Variants in GLIS1 observed in about 807,000 individuals in gnomAD.
GLIS1 encodes the protein GLIS family zinc finger 1.
A neutral mutation model predicts 63.8 loss-of-function variants in GLIS1; 24 were observed. The ratio of observed to expected loss-of-function variants is 0.38; its 90% CI spans 0.27 to 0.53. The LOEUF (loss-of-function observed/expected upper bound fraction) is 0.53. Among genes scored for constraint, GLIS1 ranks in the 20% least tolerant of loss-of-function variants. The probability of loss-of-function intolerance (pLI) is 0.85; values close to 1 mark genes in which losing one functional copy is unlikely to be tolerated. For synonymous variants in GLIS1, 450 were observed against 482.5 expected (o/e 0.93, Z 0.88); for missense variants, 1,036 against 1,074.1 (o/e 0.96, Z 0.50).
intron 5 of GLIS1, among the ~76,000 whole-genome samples, chr1:53,525,325 G>A (rs1644454888): frequency 6.6e-6 from 1 of 150,704 alleles, no homozygotes; most frequent in South Asian, 2.1e-4. Context: ...ACAGGGCCAG[G>A]CTAGGCGGCA....
intron 2 of GLIS1, among the ~76,000 whole-genome samples, chr1:53,630,937 T>C (rs1174766811): frequency 6.6e-6 from 1 of 152,268 alleles, no homozygotes; most frequent in Non-Finnish European, 1.5e-5. Flanking sequence ...GAAAATACTT[T>C]TTGGCTATCT....
intron 6 of GLIS1, among the ~76,000 whole-genome samples, chr1:53,523,906 T>A (rs943859332): frequency 2.0e-5 from 3 of 152,190 alleles, no homozygotes; most frequent in Non-Finnish European, 4.4e-5. Flanking sequence ...ACTGCGCTGC[T>A]TGGCCGCTGA....
rs1644696720 is a variant in GLIS1 at position 53,546,182 on chromosome 1, G to A, written c.1321-16230C>T. On this transcript the variant is annotated intron_variant, in intron 4 of 10. Transcript: ENST00000628545. ...TGTTTCACACATGATGGCCAGGGAC[G>A]CCTGAGGAGGCAGGGGGCTGGTGTA... 3.9e-5 allele frequency among the ~76,000 whole-genome samples: 6 copies of A among 152,236 alleles called. No individual in the cohort carries two copies. In the South Asian group the frequency reaches 8.3e-4, roughly 21 times the overall value.
At chr1:53,711,160 G>A (rs1314743631) in intron 2 of GLIS1, among the ~76,000 whole-genome samples, 2 of 152,060 alleles carry the variant, frequency 1.3e-5, no homozygotes, top group South Asian at 2.1e-4. Context: ...ACCGACCTTC[G>A]GACCCTCTAC....
At chr1:53,680,808 T>C (rs559514663) in intron 2 of GLIS1, among the ~76,000 whole-genome samples, 1 of 152,300 alleles carries the variant, frequency 6.6e-6, no homozygotes, top group South Asian at 2.1e-4. Flanking sequence ...GCAGCAGGAA[T>C]AAAATATCAG....
At chr1:53,663,065 C>T (rs1380944370) in intron 2 of GLIS1, among the ~76,000 whole-genome samples, 4 of 152,160 alleles carry the variant, frequency 2.6e-5, no homozygotes, top group Non-Finnish European at 5.9e-5. Context: ...GCAGCTCTCC[C>T]ACTGAGCTCC....
intron 4 of GLIS1, among the ~76,000 whole-genome samples, chr1:53,573,981 G>C (rs901554091): frequency 6.6e-6 from 1 of 152,148 alleles, no homozygotes; most frequent in Non-Finnish European, 1.5e-5. Context: ...AAATGGTAAG[G>C]CAATGACTAT....
At chr1:53,654,114 C>A (rs1485976219) in intron 2 of GLIS1, among the ~76,000 whole-genome samples, 1 of 152,220 alleles carries the variant, frequency 6.6e-6, no homozygotes, top group Non-Finnish European at 1.5e-5. Flanking sequence ...ATGCTGATCA[C>A]CTGCACAGTT....
rs1028928035 is a variant in GLIS1 at position 53,520,771 on chromosome 1, G to C, written c.1594-5C>G. 1 of 1,601,216 alleles carries C rather than the reference G, an allele frequency of 6.2e-7. No homozygotes were observed. The highest frequency in any genetic ancestry group is 2.3e-5 in the East Asian group (1 of 44,440). On this transcript the variant is annotated splice_region_variant and splice_polypyrimidine_tract_variant and intron_variant, in intron 6 of 10. Coordinates refer to ENST00000628545, the MANE Select transcript of GLIS1 (RefSeq NM_001367484.1). ...GGTGTCAGGGCCCGCATGCAGCTGG[G>C]GAGCAAGCAGAGGGAAAGGAGGTGT...
intron 4 of GLIS1, among the ~76,000 whole-genome samples, chr1:53,584,858 A>G (rs551369367): frequency 6.6e-6 from 1 of 152,252 alleles, no homozygotes; most frequent in Admixed American, 6.5e-5. Flanking sequence ...TGGCAACCCC[A>G]TCTGTTATCC....
intron 4 of GLIS1, among the ~76,000 whole-genome samples, chr1:53,565,644 G>A (rs1644930443): frequency 6.6e-6 from 1 of 151,924 alleles, no homozygotes. Context: ...TTCCTTGGTA[G>A]GGGCAGGCTA....
intron 2 of GLIS1, among the ~76,000 whole-genome samples, chr1:53,694,536 C>T (rs1457097476): frequency 1.3e-5 from 2 of 152,220 alleles, no homozygotes; most frequent in Non-Finnish European, 1.5e-5. Flanking sequence ...ATGAATTAAG[C>T]TCATGCAGAG....
chr1:53,733,863 C>A, intron 2 of GLIS1: 1 of 958,322 alleles, frequency 1.0e-6, no homozygotes, highest in African/African-American at 1.8e-5. Context: ...AAATTGCCCA[C>A]CGGAGCCGGA....
At chr1:53,732,241 GC>G (rs1393130009) in intron 2 of GLIS1, among the ~76,000 whole-genome samples, 1 of 152,216 alleles carries the variant, frequency 6.6e-6, no homozygotes, top group African/African-American at 2.4e-5. Context: ...GGGAAAAAGG[GC>G]AAAAGAAGAA....
intron 2 of GLIS1, among the ~76,000 whole-genome samples, chr1:53,705,234 G>T (rs757060919): frequency 3.9e-5 from 6 of 152,156 alleles, no homozygotes; most frequent in Non-Finnish European, 7.3e-5. Flanking sequence ...CCTGGGAGGA[G>T]AGAGCCACCT....
chr1:53,657,363 G>A (rs997614962), intron 2 of GLIS1, among the ~76,000 whole-genome samples: 5 of 152,214 alleles, frequency 3.3e-5, no homozygotes, highest in African/African-American at 9.7e-5. Context: ...CTCCAAGGGA[G>A]ATGGGTAAGA....
intron 2 of GLIS1, 30 bp downstream of exon 2, chr1:53,737,776 C>T: frequency 8.1e-7 from 1 of 1,230,846 alleles, no homozygotes; most frequent in South Asian, 4.1e-5. Flanking sequence ...CCACAGGAGC[C>T]GCCAGGCACG....
chr1:53,598,825 A>G lies in GLIS1; in HGVS notation c.437+1276T>C, dbSNP rs1645287146. Among the ~76,000 whole-genome samples the G allele has an allele frequency of 6.6e-6, 1 of 152,224 alleles. No homozygotes were observed. Among genetic ancestry groups the G allele is most frequent in the Non-Finnish European group, 1.5e-5 (1 of 68,040 alleles). ...CAGAAGGAATCTAAATTCTCAAAGG[A>G]AAATGGTTGCACTTGGGAAGAACAG... On this transcript the variant is annotated intron_variant, in intron 3 of 10. Transcript: ENST00000628545. The surrounding 1 kb of genome is among the most constrained non-coding windows in gnomAD (Gnocchi z 4.6).
intron 2 of GLIS1, among the ~76,000 whole-genome samples, chr1:53,607,228 A>G (rs1176839458): frequency 6.6e-6 from 1 of 152,210 alleles, no homozygotes; most frequent in African/African-American, 2.4e-5. Flanking sequence ...ATGCATCTAT[A>G]TACATTTTTT....
Sources: gnomAD v4.1 joint callset for allele counts (sites outside exome capture counted in the v4.1 genomes callset) on GRCh38, gnomAD v4.1.1 for gene constraint, Gnocchi (gnomAD v3.1) non-coding constraint, MANE v1.5 for transcripts, NCBI Gene and HGNC (gene_info 2026-07-23, HGNC 2026-07-21) for gene names.